SMCO2: variants seen among roughly 807,000 people sequenced by gnomAD.
The protein encoded by SMCO2 is single-pass membrane protein with coiled-coil domains 2, also known as single-pass membrane and coiled-coil domain-containing protein 2.
A neutral mutation model predicts 29.5 loss-of-function variants in SMCO2; 25 were observed. The observed-to-expected ratio is 0.85, with a 90% CI of 0.62 to 1.18. The LOEUF is 1.18. Among genes scored for constraint, SMCO2 ranks in the 50% most tolerant of loss-of-function variants. The probability of loss-of-function intolerance (pLI) is 0.00; values close to 1 mark genes in which losing one functional copy is unlikely to be tolerated. For synonymous variants in SMCO2, 117 were observed against 123.3 expected, an observed-to-expected ratio of 0.95 and a Z score of 0.34; for missense variants, 348 against 344.5, an observed-to-expected ratio of 1.01 and a Z score of -0.08.
intron 7 of SMCO2, among the ~76,000 whole-genome samples, chr12:27,499,504 G>C (rs1943052259): frequency 6.6e-6 from 1 of 150,630 alleles, no homozygotes; most frequent in South Asian, 2.1e-4. Flanking sequence ...CCTGGAATTA[G>C]ATAGTGGTGA....
chr12:27,433,453 G>A, the SMCO2 span, among the ~76,000 whole-genome samples: 4 of 151,752 alleles, frequency 2.6e-5, no homozygotes, highest in Non-Finnish European at 5.9e-5. Context: ...AAATAAGAGG[G>A]CATCTGCTCT....
chr12:27,500,783 G>A (rs1943065733), intron 7 of SMCO2, among the ~76,000 whole-genome samples: 1 of 150,590 alleles, frequency 6.6e-6, no homozygotes, highest in African/African-American at 2.5e-5. Flanking sequence ...ATAAATGTGT[G>A]AAGTGAAAGC....
chr12:27,444,888 C>A, the SMCO2 span, among the ~76,000 whole-genome samples: 1 of 152,084 alleles, frequency 6.6e-6, no homozygotes, highest in Non-Finnish European at 1.5e-5. Flanking sequence ...GCTGCACGCC[C>A]GTGTTTATTG....
the SMCO2 span, among the ~76,000 whole-genome samples, chr12:27,432,494 G>A: frequency 6.6e-6 from 1 of 152,136 alleles, no homozygotes; most frequent in African/African-American, 2.4e-5. Flanking sequence ...AATATGAGAG[G>A]CTAATTTATA....
the SMCO2 span, among the ~76,000 whole-genome samples, chr12:27,448,353 T>C: frequency 6.6e-6 from 1 of 152,222 alleles, no homozygotes; most frequent in Non-Finnish European, 1.5e-5. Context: ...GCCCTCCGCC[T>C]TAGTTCTCCC....
rs1278435752 is a variant in SMCO2 at position 27,496,090 on chromosome 12, AATCTAAAGATTTATCTTTAGATAAATAT to A, written c.683+243_683+270del. ...GATTGCTTTCTTACTGCTTCAGATA[AATCTAAAGATTTATCTTTAGATAAATAT>A]ATCTAAATATAGATAGATATATCTT... is the stretch of plus-strand genomic sequence containing the variant. On this transcript the variant is annotated intron_variant, in intron 7 of 7. Transcript: ENST00000298876. Among the ~76,000 whole-genome samples the A allele has an allele frequency of 2.7e-5, 4 of 150,280 alleles. 1 individual carries two copies. The highest frequency in any genetic ancestry group is 1.0e-4 in the African/African-American group (4 of 40,002).
intron 4 of SMCO2, among the ~76,000 whole-genome samples, chr12:27,476,568 T>A (rs1200311189): frequency 6.6e-6 from 1 of 152,186 alleles, no homozygotes. Context: ...ATATTTAGAA[T>A]TGTTATATCC....
chr12:27,434,959 C>T, the SMCO2 span, among the ~76,000 whole-genome samples: 1 of 152,106 alleles, frequency 6.6e-6, no homozygotes, highest in Non-Finnish European at 1.5e-5. Context: ...TTCCAAGGGG[C>T]TCCTGAAATC....
chr12:27,492,207 G>C (rs186767770), intron 5 of SMCO2, among the ~76,000 whole-genome samples: 1 of 152,144 alleles, frequency 6.6e-6, no homozygotes, highest in East Asian at 1.9e-4. Context: ...GGCACTTAGC[G>C]TATTTTCTTC....
chr12:27,480,823 AT>A (rs1949636303), intron 4 of SMCO2, among the ~76,000 whole-genome samples: 1 of 152,126 alleles, frequency 6.6e-6, no homozygotes, highest in Non-Finnish European at 1.5e-5. Context: ...TATTGGTGCC[AT>A]GCCTGTACAG....
At chr12:27,443,892 A>G in the SMCO2 span, among the ~76,000 whole-genome samples, 1 of 152,228 alleles carries the variant, frequency 6.6e-6, no homozygotes, top group African/African-American at 2.4e-5. Flanking sequence ...AAATTACAAT[A>G]CTACCCAAAT....
chr12:27,432,132 G>A, the SMCO2 span, among the ~76,000 whole-genome samples: 1 of 152,022 alleles, frequency 6.6e-6, no homozygotes, highest in Non-Finnish European at 1.5e-5. Flanking sequence ...TGAGTTGTAG[G>A]AGTTTTTAAA....
upstream of SMCO2, among the ~76,000 whole-genome samples, chr12:27,465,285 C>A (rs1406618287): frequency 1.3e-5 from 2 of 152,138 alleles, no homozygotes; most frequent in East Asian, 1.9e-4. Flanking sequence ...CATTAGTAAC[C>A]ACTCAGCAAG....
rs1054342378 is a variant in SMCO2 at position 27,488,461 on chromosome 12, T to A, written c.364T>A (p.Leu122Ile). ...CTTAGTATCTTGGTCTGTTTGCAGCTTATTAAAAGACATGCTGACCCTGAA... is the reference window on the plus strand; with the variant it reads ...CTTAGTATCTTGGTCTGTTTGCAGCATATTAAAAGACATGCTGACCCTGAA... Residue 122 changes from leucine to isoleucine, a missense_variant and splice_region_variant, in exon 5 of 8, where the codon TTA (leucine) becomes ATA (isoleucine). Leu to Ile is a conservative substitution (Grantham distance 5). Transcript: ENST00000298876. 6.5e-6 allele frequency: 10 copies of A among 1,529,140 alleles called. No homozygotes were observed. The African/African-American group carries it at 9.7e-5, about 15-fold the overall frequency. 94.7% of individuals were successfully genotyped at this position (1,529,140 alleles called of 1,614,324 possible). A position where few individuals can be genotyped will look rare whatever the true frequency, so the allele number is the denominator to read the frequency against.
Position 27,471,666 on chromosome 12 carries a change from A to T in SMCO2, c.134+901A>T, listed in dbSNP as rs1311114007. Among the ~76,000 whole-genome samples, 3 of 152,336 alleles carry T rather than the reference A, an allele frequency of 2.0e-5. No individual in the cohort carries two copies. The East Asian group carries it at 5.8e-4, about 29-fold the overall frequency. On this transcript the variant is annotated intron_variant, in intron 2 of 7. Transcript: ENST00000298876. ...CAACACATTTGTTTTAGAAAAGGAA[A>T]TACAAATGAGTTTTATACACATAGG...
At chr12:27,446,137 C>T in the SMCO2 span, among the ~76,000 whole-genome samples, 18 of 152,146 alleles carry the variant, frequency 1.2e-4, no homozygotes, top group East Asian at 1.9e-4. Flanking sequence ...CTCCTGACCT[C>T]GTAATCCACC....
At chr12:27,440,008 G>T in the SMCO2 span, among the ~76,000 whole-genome samples, 1 of 152,088 alleles carries the variant, frequency 6.6e-6, no homozygotes, top group Non-Finnish European at 1.5e-5. Flanking sequence ...TTAGAACACC[G>T]AACAGATTCA....
chr12:27,480,844 C>T, intron 4 of SMCO2, among the ~76,000 whole-genome samples: 1 of 152,178 alleles, frequency 6.6e-6, no homozygotes, highest in East Asian at 1.9e-4. Context: ...GCTTACAGAA[C>T]CATAGGCCAA....
the SMCO2 span, among the ~76,000 whole-genome samples, chr12:27,436,209 A>G: frequency 1.3e-5 from 2 of 152,250 alleles, no homozygotes; most frequent in Non-Finnish European, 2.9e-5. Context: ...AGTGGGGGTT[A>G]GGATTTCAAC....
Sources: allele counts gnomAD v4.1 joint callset (sites outside exome capture counted in the v4.1 genomes callset), GRCh38; gene constraint gnomAD v4.1.1; transcripts MANE v1.5; gene names NCBI Gene and HGNC (gene_info 2026-07-23, HGNC 2026-07-21).